Variants in BTBD7 observed in about 807,000 individuals in gnomAD.
The protein encoded by BTBD7 is BTB/POZ domain-containing protein 7.
In BTBD7, 38 loss-of-function variants were observed where a neutral mutation model predicts 99.9. That is an observed-to-expected ratio of 0.38 (90% confidence interval 0.29 to 0.50). The LOEUF (loss-of-function observed/expected upper bound fraction) is 0.50, where lower values mean the gene tolerates loss of function less well. BTBD7 is among the 20% of genes least tolerant of loss of function. The pLI, the probability that BTBD7 is intolerant of heterozygous loss-of-function variation, is 0.93. For missense variants in BTBD7, 1,170 were observed against 1,394.6 expected, an observed-to-expected ratio of 0.84 and a Z score of 2.57; for synonymous variants, 520 against 511.4, an observed-to-expected ratio of 1.02 and a Z score of -0.23.
Position 93,242,921 on chromosome 14 carries a change from C to T in BTBD7, c.2751G>A (p.Gln917=), listed in dbSNP as rs768054452. The T allele has an allele frequency of 7.4e-6, 12 of 1,613,942 alleles. No individual in the cohort carries two copies. The Admixed American group carries it at 2.0e-4, about 27-fold the overall frequency. The change falls in exon 11 of 11, where the codon CAG becomes CAA. Residue 917 remains glutamine (Q), a synonymous_variant. Coordinates refer to ENST00000334746, the MANE Select transcript of BTBD7 (RefSeq NM_001002860.4). ...GPPQHLSCIP[Q]RHTHTSRKKH... ...TTTTCCGAGAAGTGTGTGTATGTCT[C>T]TGTGGAATACACGACAGATGCTGGG...
intron 1 of BTBD7, among the ~76,000 whole-genome samples, chr14:93,307,182 G>C (rs2053080045): frequency 6.6e-6 from 1 of 152,038 alleles, no homozygotes; most frequent in African/African-American, 2.4e-5. Context: ...ATTTTTAAGA[G>C]GCAGAGTCTC....
At chr14:93,283,892 C>T (rs1008029492) in intron 3 of BTBD7, among the ~76,000 whole-genome samples, 6 of 152,154 alleles carry the variant, frequency 3.9e-5, no homozygotes, top group African/African-American at 1.4e-4. Flanking sequence ...GGTGAATAAA[C>T]ATTCCACTTT....
intron 6 of BTBD7, chr14:93,256,716 GCCAATTATA>G (rs2052434757): frequency 6.6e-6 from 1 of 152,534 alleles, no homozygotes; most frequent in Non-Finnish European, 1.5e-5. Flanking sequence ...ACCGCGCCCA[GCCAATTATA>G]TTAATTTTTA....
chr14:93,266,694 G>C (rs375905025), intron 3 of BTBD7, among the ~76,000 whole-genome samples: 1 of 152,270 alleles, frequency 6.6e-6, no homozygotes, highest in South Asian at 2.1e-4. Context: ...CCCTGACACT[G>C]GAAAGGAACT....
chr14:93,321,958 G>C (rs2053275451), intron 1 of BTBD7, among the ~76,000 whole-genome samples: 1 of 152,122 alleles, frequency 6.6e-6, no homozygotes, highest in African/African-American at 2.4e-5. Flanking sequence ...CTAACTATGA[G>C]AAGGCCCACG....
At chr14:93,327,847 G>A (rs916255192) in intron 1 of BTBD7, among the ~76,000 whole-genome samples, 1 of 152,122 alleles carries the variant, frequency 6.6e-6, no homozygotes, top group East Asian at 1.9e-4. Flanking sequence ...GTTTGCAAAT[G>A]ACACGATCCT....
Position 93,240,636 on chromosome 14 carries a change from C to T in BTBD7, c.*1637G>A, listed in dbSNP as rs1372842843. ...GCCTCTTTTCTTCTAAGTGCTACGG[C>T]TGTGTGTTTATGTGTTTGTAAAAAT... On this transcript the variant is annotated 3_prime_UTR_variant, in exon 11 of 11. Transcript: ENST00000334746. The T allele has an allele frequency of 1.3e-5, 2 of 152,528 alleles. No homozygotes were observed. The highest frequency in any genetic ancestry group is 4.8e-5 in the African/African-American group (2 of 41,412). 9.4% of individuals were successfully genotyped at this position (152,528 alleles called of 1,614,324 possible).
chr14:93,294,242 C>T lies in BTBD7; in HGVS notation c.778G>A (p.Val260Ile), dbSNP rs778744038. The T allele has an allele frequency of 6.2e-7, 1 of 1,613,854 alleles. No individual in the cohort carries two copies. The highest frequency in any genetic ancestry group is 8.5e-7 in the Non-Finnish European group (1 of 1,179,974). ...TTCTGATTTCCACCAAAAGCTTCAA[C>T]CAGTTCAGAGTCTGAAGAAAAACTA... ...VLSFSSDSEL[V>I]EAFGGNQNCL... Residue 260 changes from valine to isoleucine, a missense_variant, in exon 3 of 11, where the codon GTT (valine) becomes ATT (isoleucine). Physicochemically the swap from Val to Ile is conservative, Grantham distance 29. Coordinates refer to ENST00000334746, the MANE Select transcript of BTBD7 (RefSeq NM_001002860.4).
intron 3 of BTBD7, among the ~76,000 whole-genome samples, chr14:93,292,732 C>A (rs1048534672): frequency 6.6e-6 from 1 of 152,156 alleles, no homozygotes; most frequent in Admixed American, 6.5e-5. Context: ...TCACAGCTCA[C>A]TGCAGCCCTG....
intron 5 of BTBD7, among the ~76,000 whole-genome samples, chr14:93,258,757 C>G (rs1342305321): frequency 2.6e-5 from 4 of 151,966 alleles, no homozygotes; most frequent in Admixed American, 2.0e-4. Flanking sequence ...GCTAATTTTT[C>G]TATTTTTAGT....
chr14:93,312,466 T>A (rs1057077147), intron 1 of BTBD7, among the ~76,000 whole-genome samples: 4 of 152,204 alleles, frequency 2.6e-5, no homozygotes, highest in African/African-American at 9.7e-5. Flanking sequence ...AATAATATGG[T>A]TATAGTAAAC....
At chr14:93,255,743 G>C (rs1056152519) in intron 6 of BTBD7, 1 of 152,214 alleles carries the variant, frequency 6.6e-6, no homozygotes, top group African/African-American at 2.4e-5. Flanking sequence ...TGATCCACCT[G>C]CCTTGGCCTC....
intron 3 of BTBD7, among the ~76,000 whole-genome samples, chr14:93,281,461 A>G (rs2052719197): frequency 6.6e-6 from 1 of 152,208 alleles, no homozygotes; most frequent in South Asian, 2.1e-4. Flanking sequence ...TGTTGACAGT[A>G]GTTATCACAG....
At chr14:93,308,086 A>G (rs2053091709) in intron 1 of BTBD7, among the ~76,000 whole-genome samples, 1 of 152,026 alleles carries the variant, frequency 6.6e-6, no homozygotes, top group Non-Finnish European at 1.5e-5. Flanking sequence ...TGAGGTCAGG[A>G]GATCGAGACC....
chr14:93,313,226 G>A (rs1382647773), intron 1 of BTBD7, among the ~76,000 whole-genome samples: 1 of 152,174 alleles, frequency 6.6e-6, no homozygotes, highest in African/African-American at 2.4e-5. Context: ...TTATAAGTAA[G>A]AGAATGTGGA....
chr14:93,275,262 A>C (rs923406705), intron 3 of BTBD7, among the ~76,000 whole-genome samples: 3 of 152,174 alleles, frequency 2.0e-5, no homozygotes, highest in African/African-American at 4.8e-5. Context: ...GGACAATCCT[A>C]ATCACTTCAG....
intron 1 of BTBD7, 93 bp from the exon 2 acceptor site, chr14:93,296,250 C>T: frequency 1.1e-6 from 1 of 881,988 alleles, no homozygotes; most frequent in African/African-American, 1.7e-5. Context: ...TGCTTTCATT[C>T]ACAAATAACA....
intron 1 of BTBD7, among the ~76,000 whole-genome samples, chr14:93,331,263 G>A (rs2053400637): frequency 6.6e-6 from 1 of 152,160 alleles, no homozygotes; most frequent in African/African-American, 2.4e-5. Context: ...GCTCAGCAGT[G>A]TAGTAACAAT....
chr14:93,330,208 T>G (rs1428836948), intron 1 of BTBD7, among the ~76,000 whole-genome samples: 2 of 152,182 alleles, frequency 1.3e-5, no homozygotes, highest in African/African-American at 2.4e-5. Context: ...AGGATAAAAG[T>G]AGAAATCTCC....
Sources: allele counts gnomAD v4.1 joint callset (sites outside exome capture counted in the v4.1 genomes callset), GRCh38; gene constraint gnomAD v4.1.1; transcripts MANE v1.5; gene names NCBI Gene and HGNC (gene_info 2026-07-23, HGNC 2026-07-21).